The following PCDHA11 variants were observed in gnomAD, a reference collection of about 807,000 sequenced individuals.
PCDHA11 encodes protocadherin alpha 11, also known as protocadherin alpha-11.
Under a neutral mutation model 70.3 loss-of-function variants are expected in PCDHA11, and 61 were observed. The ratio of observed to expected loss-of-function variants is 0.87; its 90% confidence interval spans 0.71 to 1.07. The LOEUF (loss-of-function observed/expected upper bound fraction) is 1.07, where lower values mean the gene tolerates loss of function less well. PCDHA11 is among the 50% of genes least tolerant of loss of function. PCDHA11 has a pLI of 0.00. For missense variants in PCDHA11, 1,324 were observed against 1,237.5 expected (o/e 1.07, Z -1.05); for synonymous variants, 633 against 555.1 (o/e 1.14, Z -1.97).
intron 1 of PCDHA11, chr5:140,882,237 T>C (rs2059015707): frequency 8.2e-6 from 13 of 1,582,128 alleles, no homozygotes; most frequent in Non-Finnish European, 1.1e-5. Context: ...TTGTATATAT[T>C]GCAGATAGCT....
intron 1 of PCDHA11, chr5:140,877,485 G>A (rs1554169791): frequency 6.2e-7 from 1 of 1,613,882 alleles, no homozygotes; most frequent in Admixed American, 1.7e-5. Flanking sequence ...CGCTGGTGGA[G>A]AACGGCCAGG....
intron 1 of PCDHA11, among the ~76,000 whole-genome samples, chr5:140,910,560 G>A (rs1369178001): frequency 6.6e-6 from 1 of 152,160 alleles, no homozygotes; most frequent in East Asian, 1.9e-4. Flanking sequence ...ATTAGTCAAG[G>A]ATATATTTTC....
chr5:140,994,156 C>T (rs926993777), intron 3 of PCDHA11, among the ~76,000 whole-genome samples: 25 of 152,124 alleles, frequency 1.6e-4, no homozygotes, highest in African/African-American at 4.1e-4. Context: ...GTAGGGTCAA[C>T]GAAGGGGAAG....
At chr5:140,917,522 G>A (rs931609211) in intron 1 of PCDHA11, among the ~76,000 whole-genome samples, 1 of 152,144 alleles carries the variant, frequency 6.6e-6, no homozygotes, top group Non-Finnish European at 1.5e-5. Context: ...TTTATTCTAC[G>A]GTTTGTATAG....
At chr5:140,981,336 G>A (rs1332617891) in intron 2 of PCDHA11, among the ~76,000 whole-genome samples, 1 of 152,188 alleles carries the variant, frequency 6.6e-6, no homozygotes, top group Non-Finnish European at 1.5e-5. Context: ...CACTTTGGGA[G>A]GGTGAGGCAG....
chr5:140,941,214 C>CTTTCT (rs1554214039), intron 1 of PCDHA11, among the ~76,000 whole-genome samples: 174 of 122,492 alleles, frequency 1.4e-3, no homozygotes, highest in African/African-American at 5.3e-3. Flanking sequence ...TTTCTTTCTT[C>CTTTCT]CTTTCTTTCT....
chr5:140,933,780 T>G (rs1404194841), intron 1 of PCDHA11, among the ~76,000 whole-genome samples: 2 of 152,124 alleles, frequency 1.3e-5, no homozygotes, highest in Non-Finnish European at 2.9e-5. Flanking sequence ...TACAGTTTTC[T>G]TTGTAGGAAA....
intron 1 of PCDHA11, among the ~76,000 whole-genome samples, chr5:140,941,348 G>T (rs1193360429): frequency 1.7e-5 from 2 of 116,240 alleles, no homozygotes; most frequent in East Asian, 2.7e-4. Context: ...ATGGAGTCTT[G>T]CTCTGTTGCC....
chr5:141,005,489 G>A (rs1336877426), intron 3 of PCDHA11, among the ~76,000 whole-genome samples: 3 of 151,788 alleles, frequency 2.0e-5, no homozygotes, highest in Non-Finnish European at 4.4e-5. Context: ...GGATCATGAG[G>A]TCAGGAGATC....
chr5:140,982,633 A>G (rs2096992474), intron 3 of PCDHA11, 70 bp downstream of exon 3: 1 of 1,557,590 alleles, frequency 6.4e-7, no homozygotes, highest in Non-Finnish European at 8.7e-7. Flanking sequence ...CTTTTGTAAG[A>G]TCAGGAATGT....
intron 1 of PCDHA11, among the ~76,000 whole-genome samples, chr5:140,921,612 TATC>T (rs2080294560): frequency 6.6e-6 from 1 of 152,158 alleles, no homozygotes; most frequent in Non-Finnish European, 1.5e-5. Flanking sequence ...ATAAGAAAAA[TATC>T]ATCAGATCAT....
chr5:140,893,150 A>G (rs1398784015), intron 1 of PCDHA11, among the ~76,000 whole-genome samples: 1 of 152,066 alleles, frequency 6.6e-6, no homozygotes, highest in Non-Finnish European at 1.5e-5. Context: ...TCATCTGTTG[A>G]TGGATATTGA....
chr5:140,926,967 A>G (rs782296182), intron 1 of PCDHA11: 4 of 1,606,666 alleles, frequency 2.5e-6, no homozygotes, highest in Middle Eastern at 1.7e-4. Context: ...TCGAGTACTC[A>G]GTGCCGGAGG....
In PCDHA11 at chr5:140,879,837, T is replaced by C. The variant is rs150709679; in HGVS notation, c.2391+8343T>C. ...GTTGGTGTTCCCTGGCTTGTGGCTGTACCACTCCCATCTCAGCCTTCTCAG... is the reference window on the plus strand; with the variant it reads ...GTTGGTGTTCCCTGGCTTGTGGCTGCACCACTCCCATCTCAGCCTTCTCAG... On this transcript the variant is annotated intron_variant, in intron 1 of 3. Coordinates refer to ENST00000398640, the MANE Select transcript of PCDHA11 (RefSeq NM_018902.5). Among the ~76,000 whole-genome samples, 861 of 152,350 alleles carry C rather than the reference T, an allele frequency of 5.7e-3. 5 individuals are homozygous for C. The highest frequency in any genetic ancestry group is 0.014 in the Middle Eastern group (4 of 294).
rs2052546739 is a variant in PCDHA11, at chr5:140,870,921, T to G, written c.1818T>G (p.Leu606=). ...VDADSGYNAW[L]SYELQPAAGG... ...CGGACTCAGGCTACAACGCGTGGCT[T>G]TCATATGAATTGCAGCCGGCGGCGG... Residue 606 remains leucine, a synonymous_variant, in exon 1 of 4, where the codon CTT becomes CTG. Transcript: ENST00000398640. The G allele has an allele frequency of 6.2e-7, 1 of 1,613,894 alleles. No individual in the cohort carries two copies. The highest frequency in any genetic ancestry group is 1.1e-5 in the South Asian group (1 of 91,084).
rs782333249 is a variant in PCDHA11 at position 140,978,931 on chromosome 5, CTCTT to C, written c.2392-16_2392-13del. On this transcript the variant is annotated splice_polypyrimidine_tract_variant and intron_variant, in intron 1 of 3. Coordinates refer to ENST00000398640, the MANE Select transcript of PCDHA11 (RefSeq NM_018902.5). ...TGTCTTGTCATTTTAACAGAAAACTCTCTTTGTGATTTTGCAGCCACGACAGCCC... is the reference window on the plus strand; with the variant it reads ...TGTCTTGTCATTTTAACAGAAAACTCTGTGATTTTGCAGCCACGACAGCCC... 4.3e-6 allele frequency: 7 copies of C among 1,614,126 alleles called. No individual in the cohort carries two copies. The Admixed American group carries it at 6.7e-5, about 15-fold the overall frequency.
intron 1 of PCDHA11, among the ~76,000 whole-genome samples, chr5:140,918,164 G>T (rs1156404209): frequency 6.6e-6 from 1 of 152,088 alleles, no homozygotes; most frequent in East Asian, 1.9e-4. Context: ...TATTGTAAAT[G>T]GCATTGTGTT....
intron 1 of PCDHA11, chr5:140,928,385 T>G: frequency 6.2e-7 from 1 of 1,614,046 alleles, no homozygotes; most frequent in Middle Eastern, 1.7e-4. Flanking sequence ...TCTAGCTTGC[T>G]GGCAGTGGAA....
chr5:140,928,876 C>T (rs1554206456), intron 1 of PCDHA11: 1 of 1,614,194 alleles, frequency 6.2e-7, no homozygotes, highest in Non-Finnish European at 8.5e-7. Context: ...CTCTGTCCCT[C>T]AGTTACTTCC....
Sources: allele counts gnomAD v4.1 joint callset (sites outside exome capture counted in the v4.1 genomes callset), GRCh38; gene constraint gnomAD v4.1.1; transcripts MANE v1.5; gene names NCBI Gene and HGNC (gene_info 2026-07-23, HGNC 2026-07-21).